USH2A: variants seen among roughly 807,000 people sequenced by gnomAD.
USH2A encodes usherin, also known as Usher syndrome 2A (autosomal recessive, mild).
A neutral mutation model predicts 538.9 loss-of-function variants in USH2A; 443 were observed. The ratio of observed to expected loss-of-function variants is 0.82; its 90% CI spans 0.76 to 0.89. The LOEUF is 0.89. USH2A is among the 40% of genes least tolerant of loss of function. USH2A has a pLI of 0.00. For missense variants in USH2A, 6,633 were observed against 6,324.8 expected (o/e 1.05, Z -1.65); for synonymous variants, 2,413 against 2,273.5 (o/e 1.06, Z -1.75).
At position 216,323,587 on chromosome 1, in the gene USH2A, G is replaced by C; in HGVS notation, c.1437C>G (p.Phe479Leu). 1 of 1,613,470 alleles carries C rather than the reference G, an allele frequency of 6.2e-7. No homozygotes were observed. Among genetic ancestry groups the C allele is most frequent in the African/African-American group, 1.3e-5 (1 of 74,934 alleles). Residue 479 changes from phenylalanine to leucine, a missense_variant, in exon 8 of 72, where the codon TTC (phenylalanine) becomes TTG (leucine). By Grantham distance (22) the Phe-to-Leu change is conservative. Coordinates refer to ENST00000307340, the MANE Select transcript of USH2A (RefSeq NM_206933.4). ...GAAACCTTATTTGCGTGGCTTTTAC[G>C]AACTCTTGAAGAGATGGGGTATTAT... ...NFYNTPSLQEFVKATQIRFHF... is the reference protein window; with the variant it reads ...NFYNTPSLQELVKATQIRFHF...
chr1:215,929,260 T>C (rs1295540624), intron 38 of USH2A, among the ~76,000 whole-genome samples: 2 of 152,112 alleles, frequency 1.3e-5, no homozygotes, highest in Non-Finnish European at 2.9e-5. Context: ...AGAGTTCTAT[T>C]AAGAAAATAT....
Position 215,782,846 on chromosome 1 carries a change from T to G in USH2A, c.10477A>C (p.Arg3493=), listed in dbSNP as rs1262441207. The G allele has an allele frequency of 1.2e-6, 2 of 1,613,898 alleles. No individual in the cohort carries two copies. The highest frequency in any genetic ancestry group is 1.3e-5 in the African/African-American group (1 of 74,932). The change falls in exon 53 of 72, where the codon AGA becomes CGA. Residue 3493 remains arginine, a synonymous_variant. Transcript: ENST00000307340. ...CCTTGAGGCACATCTTCTTTTGTTC[T>G]GGCTCTCACAGCTTTGCTGAGTCCT... ...GRGLSKAVRA[R]TKEDVPQGVS... is the part of the protein sequence containing the mutation.
At chr1:216,248,181 T>G (rs961911962) in intron 12 of USH2A, among the ~76,000 whole-genome samples, 2 of 152,094 alleles carry the variant, frequency 1.3e-5, no homozygotes, top group Admixed American at 6.6e-5. Context: ...GTAAATTCTG[T>G]TTTTTATATT....
chr1:216,079,783 T>C (rs907970576), intron 26 of USH2A, among the ~76,000 whole-genome samples: 2 of 152,264 alleles, frequency 1.3e-5, no homozygotes. Flanking sequence ...AGGAAATCCA[T>C]TTAATTGTGA....
chr1:216,089,108 T>C lies in USH2A; in HGVS notation c.4790A>G (p.Asp1597Gly). The change falls in exon 23 of 72, where the codon GAT (aspartate) becomes GGT (glycine). Residue 1597 changes from aspartate (D) to glycine (G), a missense_variant. Coordinates refer to ENST00000307340, the MANE Select transcript of USH2A (RefSeq NM_206933.4). ...TCCATCACTATATTGTTTGCCATGA[T>C]CATTAGTTGTAGTTACTTCCACTGG... is the stretch of plus-strand genomic sequence containing the variant. ...GSPVEVTTTNDHGKQYSDGKW... is the reference protein window; with the variant it reads ...GSPVEVTTTNGHGKQYSDGKW... 2 of 1,613,368 alleles carry C rather than the reference T, an allele frequency of 1.2e-6. No individual in the cohort carries two copies. Among genetic ancestry groups the C allele is most frequent in the South Asian group, 1.1e-5 (1 of 91,074 alleles).
At chr1:215,808,561 C>T (rs901166060) in intron 49 of USH2A, among the ~76,000 whole-genome samples, 2 of 152,122 alleles carry the variant, frequency 1.3e-5, no homozygotes, top group African/African-American at 4.8e-5. Context: ...AGAACACCCT[C>T]ACGCTATCCC....
intron 68 of USH2A, 94 bp from the exon 69 acceptor site, chr1:215,639,332 A>G (rs1656604445): frequency 8.3e-7 from 1 of 1,201,410 alleles, no homozygotes; most frequent in East Asian, 2.3e-5. Flanking sequence ...ATAGCATGAA[A>G]AATAGGATTC....
intron 19 of USH2A, among the ~76,000 whole-genome samples, chr1:216,191,662 C>G (rs1027387387): frequency 3.2e-4 from 49 of 151,826 alleles, no homozygotes; most frequent in African/African-American, 1.1e-3. Context: ...TTAAAATTTT[C>G]TAAGTAAAAT....
intron 4 of USH2A, among the ~76,000 whole-genome samples, chr1:216,361,403 T>C (rs2038488603): frequency 6.6e-6 from 1 of 152,090 alleles, no homozygotes; most frequent in South Asian, 2.1e-4. Context: ...AATGACTAAA[T>C]TAGACTCATT....
intron 21 of USH2A, among the ~76,000 whole-genome samples, chr1:216,122,498 G>A (rs938359298): frequency 6.6e-5 from 10 of 152,158 alleles, no homozygotes; most frequent in African/African-American, 1.9e-4. Context: ...AACTTTAGTC[G>A]AGGGTGCAGC....
At chr1:216,335,457 G>A (rs935919085) in intron 4 of USH2A, among the ~76,000 whole-genome samples, 32 of 151,368 alleles carry the variant, frequency 2.1e-4, no homozygotes, top group Admixed American at 4.0e-4. Context: ...AAATAAAATA[G>A]AGAATAGAAA....
chr1:216,327,566 G>A (rs749445367), intron 5 of USH2A, 25 bp downstream of exon 5: 2 of 1,612,098 alleles, frequency 1.2e-6, no homozygotes, highest in Non-Finnish European at 1.7e-6. Flanking sequence ...CGGTTCTTGA[G>A]GTTTACAATG....
At chr1:215,660,837 T>A (rs976303126) in intron 64 of USH2A, among the ~76,000 whole-genome samples, 4 of 152,322 alleles carry the variant, frequency 2.6e-5, no homozygotes, top group Admixed American at 6.5e-5. Context: ...ATCAGCTCCA[T>A]CAACAGATAA....
In USH2A at chr1:215,647,844, G is replaced by C. The variant is rs1425718903; in HGVS notation, c.14583-114C>G. On this transcript the variant is annotated intron_variant, in intron 66 of 71. Coordinates refer to ENST00000307340, the MANE Select transcript of USH2A (RefSeq NM_206933.4). ...ACATTTTGTTTTCACAGAGCTACAG[G>C]CTCTTTAAAATTTCCATTTGCAGGA... The C allele has an allele frequency of 2.4e-6, 3 of 1,249,196 alleles. No individual in the cohort carries two copies. The South Asian group carries it at 3.8e-5, about 16-fold the overall frequency. The allele number at this position is 1,249,196 out of a possible 1,614,324, so 77.4% of individuals were successfully genotyped here.
chr1:216,008,654 G>A (rs1388762333), intron 32 of USH2A, among the ~76,000 whole-genome samples: 3 of 152,060 alleles, frequency 2.0e-5, no homozygotes, highest in Non-Finnish European at 4.4e-5. Context: ...ACGACCTCAG[G>A]TCCTCAGACC....
intron 11 of USH2A, among the ~76,000 whole-genome samples, chr1:216,252,399 A>G (rs1043721680): frequency 1.3e-5 from 2 of 152,234 alleles, no homozygotes; most frequent in African/African-American, 4.8e-5. Flanking sequence ...CATAGAGGGA[A>G]GTAACCTACA....
At chr1:216,202,023 A>G (rs532784208) in intron 16 of USH2A, among the ~76,000 whole-genome samples, 1 of 152,326 alleles carries the variant, frequency 6.6e-6, no homozygotes, top group South Asian at 2.1e-4. Context: ...TATTTACTAG[A>G]TTAGATTAAA....
intron 24 of USH2A, among the ~76,000 whole-genome samples, chr1:216,085,264 C>T (rs2032092561): frequency 6.6e-6 from 1 of 152,044 alleles, no homozygotes; most frequent in African/African-American, 2.4e-5. Flanking sequence ...GTTTAGATTC[C>T]TCATCTATGA....
At position 216,250,899 on chromosome 1, in the gene USH2A, G is replaced by T. The variant is rs200638562; in HGVS notation, c.2167+4C>A. On this transcript the variant is annotated splice_donor_region_variant and intron_variant, in intron 12 of 71. Transcript: ENST00000307340. ...GTGACTGTAAACTTTTGCGTTACACGTACCAATAACGTTTGCTTTGCACTT... is the reference window on the plus strand; with the variant it reads ...GTGACTGTAAACTTTTGCGTTACACTTACCAATAACGTTTGCTTTGCACTT... 1 of 1,613,660 alleles carries T rather than the reference G, an allele frequency of 6.2e-7. No homozygotes were observed. Among genetic ancestry groups the T allele is most frequent in the Non-Finnish European group, 8.5e-7 (1 of 1,179,832 alleles).
Sources: gnomAD v4.1 joint callset for allele counts (sites outside exome capture counted in the v4.1 genomes callset) on GRCh38, gnomAD v4.1.1 for gene constraint, MANE v1.5 for transcripts, NCBI Gene and HGNC (gene_info 2026-07-23, HGNC 2026-07-21) for gene names.